Variants in MID1 observed in about 807,000 individuals in gnomAD.
MID1 encodes E3 ubiquitin-protein ligase Midline-1.
A neutral mutation model predicts 40.4 loss-of-function variants in MID1; 7 were observed. The ratio of observed to expected loss-of-function variants is 0.17; its 90% CI spans 0.10 to 0.33. MID1 has a LOEUF of 0.33. Among genes scored for constraint, MID1 ranks in the 10% least tolerant of loss-of-function variants. MID1 has a pLI of 1.00. For missense variants in MID1, 367 were observed against 558.5 expected, an observed-to-expected ratio of 0.66 and a Z score of 3.46; for synonymous variants, 229 against 221.2, an observed-to-expected ratio of 1.04 and a Z score of -0.31.
intron 1 of MID1, among the ~76,000 whole-genome samples, chrX:10,717,498 A>C (rs1411207896): frequency 2.7e-5 from 3 of 111,124 alleles, no homozygotes; most frequent in Non-Finnish European, 5.7e-5. Flanking sequence ...AGAGCTAACT[A>C]TCCTAAATAT....
chrX:10,506,530 G>A, intron 3 of MID1: 1 of 515,582 alleles, frequency 1.9e-6, no homozygotes, highest in Non-Finnish European at 3.5e-6. Flanking sequence ...CTCCCATCAG[G>A]AGCTGGTTGA....
intron 1 of MID1, among the ~76,000 whole-genome samples, chrX:10,778,825 G>T (rs1252406703): frequency 8.8e-6 from 1 of 113,447 alleles, no homozygotes; most frequent in African/African-American, 3.2e-5. Flanking sequence ...AGCTATTTTG[G>T]ATCTCTTGTT....
At chrX:10,721,367 T>C (rs1234565124) in intron 1 of MID1, among the ~76,000 whole-genome samples, 1 of 110,459 alleles carries the variant, frequency 9.1e-6, no homozygotes, top group Non-Finnish European at 1.9e-5. Flanking sequence ...GAGTAATTAA[T>C]ACAATACTGT....
intron 1 of MID1, among the ~76,000 whole-genome samples, chrX:10,726,311 A>T (rs5978418): frequency 0.13 from 14,041 of 111,485 alleles, 1,576 homozygotes; most frequent in African/African-American, 0.36. Flanking sequence ...CAGAAGCTAA[A>T]CATCTAATTC....
At chrX:10,474,543 T>C (rs773804641) in intron 6 of MID1, 80 bp downstream of exon 6, 29 of 1,028,594 alleles carry the variant, frequency 2.8e-5, no homozygotes, top group African/African-American at 1.5e-4. Flanking sequence ...CCTCTGGTTA[T>C]TGGGGAATAA....
intron 2 of MID1, among the ~76,000 whole-genome samples, chrX:10,524,542 A>C: frequency 9.4e-6 from 1 of 106,116 alleles, no homozygotes. Flanking sequence ...CCATTCATTC[A>C]TTTACTTATG....
At chrX:10,663,121 T>C (rs773592255) in intron 1 of MID1, among the ~76,000 whole-genome samples, 23 of 111,874 alleles carry the variant, frequency 2.1e-4, no homozygotes, top group African/African-American at 7.5e-4. Context: ...TTTTAAAGTT[T>C]AGTTGAGATA....
At chrX:10,793,112 T>C (rs60144948) in intron 1 of MID1, among the ~76,000 whole-genome samples, 11,180 of 111,728 alleles carry the variant, frequency 0.1, 1,348 homozygotes, top group African/African-American at 0.34. Flanking sequence ...ACAAAATGGG[T>C]TCTATTATGT....
intron 1 of MID1, among the ~76,000 whole-genome samples, chrX:10,737,291 G>A (rs1194726390): frequency 8.9e-6 from 1 of 112,485 alleles, no homozygotes; most frequent in Non-Finnish European, 1.9e-5. Flanking sequence ...CCAAGCCTAT[G>A]CATCAAATAT....
intron 1 of MID1, among the ~76,000 whole-genome samples, chrX:10,770,833 G>A (rs1358863444): frequency 8.9e-6 from 1 of 111,821 alleles, no homozygotes; most frequent in African/African-American, 3.3e-5. Flanking sequence ...GGCTGGGTGC[G>A]GTGGCTCACG....
chrX:10,468,052 C>T (rs192901261), intron 7 of MID1, among the ~76,000 whole-genome samples: 1 of 112,206 alleles, frequency 8.9e-6, no homozygotes, highest in East Asian at 2.8e-4. Flanking sequence ...TTTTGTCCCA[C>T]TCACCATTTC....
chrX:10,746,207 A>G (rs2043555789), intron 1 of MID1, among the ~76,000 whole-genome samples: 1 of 111,944 alleles, frequency 8.9e-6, no homozygotes. Context: ...GACAATGTGG[A>G]TTGTGACTAA....
intron 1 of MID1, chrX:10,582,915 AT>A (rs1214021221): frequency 8.9e-6 from 1 of 112,202 alleles, no homozygotes; most frequent in Non-Finnish European, 1.9e-5. Context: ...GCATTCTATA[AT>A]TTTTTATTAT....
upstream of MID1, among the ~76,000 whole-genome samples, chrX:10,622,510 A>T (rs1483592689): frequency 1.8e-5 from 2 of 111,933 alleles, no homozygotes; most frequent in African/African-American, 6.5e-5. Context: ...GCCCCAAGAA[A>T]AATTAATCCC....
At chrX:10,791,565 A>G (rs920348463) in intron 1 of MID1, among the ~76,000 whole-genome samples, 2 of 112,091 alleles carry the variant, frequency 1.8e-5, no homozygotes, top group Admixed American at 1.9e-4. Context: ...TGGCACTGGC[A>G]GAAAAGCAGA....
intron 1 of MID1, among the ~76,000 whole-genome samples, chrX:10,753,638 GA>G (rs1357890671): frequency 2.7e-5 from 3 of 111,015 alleles, no homozygotes; most frequent in Non-Finnish European, 5.7e-5. Context: ...GTTGGGAAAA[GA>G]TAGGCTTGCT....
intron 9 of MID1, among the ~76,000 whole-genome samples, chrX:10,454,427 C>G (rs1218821985): frequency 8.9e-6 from 1 of 111,914 alleles, no homozygotes; most frequent in African/African-American, 3.3e-5. Flanking sequence ...CCATATGATT[C>G]TCTCTTAACT....
chrX:10,643,048 A>C (rs1357125569), intron 1 of MID1, among the ~76,000 whole-genome samples: 1 of 111,959 alleles, frequency 8.9e-6, no homozygotes, highest in African/African-American at 3.3e-5. Context: ...TAAGACCTAA[A>C]ACCATAAAAA....
intron 1 of MID1, among the ~76,000 whole-genome samples, chrX:10,727,441 C>A (rs2043401956): frequency 8.9e-6 from 1 of 112,690 alleles, no homozygotes; most frequent in Non-Finnish European, 1.9e-5. Context: ...TTTTTAAATT[C>A]TTCCCTTTGA....
Sources: gnomAD v4.1 joint callset for allele counts (sites outside exome capture counted in the v4.1 genomes callset) on GRCh38, gnomAD v4.1.1 for gene constraint, MANE v1.5 for transcripts, NCBI Gene and HGNC (gene_info 2026-07-23, HGNC 2026-07-21) for gene names.